Variants in SERPINI1 observed in about 807,000 individuals in gnomAD.
The protein encoded by SERPINI1 is neuroserpin.
In SERPINI1, 19 loss-of-function variants were observed where a neutral mutation model predicts 41.1. That is an observed-to-expected ratio of 0.46 (90% confidence interval 0.32 to 0.68). SERPINI1 has a LOEUF of 0.68. Ranked by LOEUF, SERPINI1 falls within the 30% of genes least tolerant of loss-of-function variation. SERPINI1 has a pLI of 0.03. For synonymous variants in SERPINI1, 138 were observed against 156.6 expected (o/e 0.88, Z 0.89); for missense variants, 460 against 479.2 (o/e 0.96, Z 0.37).
chr3:167,774,708 A>T (rs1404162077), intron 1 of SERPINI1, among the ~76,000 whole-genome samples: 1 of 152,004 alleles, frequency 6.6e-6, no homozygotes, highest in Admixed American at 6.6e-5. Context: ...TAGGTTGTGC[A>T]CTCCTCATGA....
intron 8 of SERPINI1, among the ~76,000 whole-genome samples, chr3:167,824,810 G>A (rs985155244): frequency 2.0e-5 from 3 of 152,110 alleles, no homozygotes; most frequent in Non-Finnish European, 1.5e-5. Flanking sequence ...GTTCCAGGCA[G>A]GGAGGATCAC....
At chr3:167,800,566 C>G (rs1183653426) in intron 5 of SERPINI1, among the ~76,000 whole-genome samples, 1 of 152,092 alleles carries the variant, frequency 6.6e-6, no homozygotes, top group Non-Finnish European at 1.5e-5. Flanking sequence ...TACTTTAATA[C>G]TTGGAAGCAG....
At position 167,770,560 on chromosome 3, in the gene SERPINI1, G is replaced by C. The variant is rs146238605; in HGVS notation, c.-18-18551G>C. On this transcript the variant is annotated intron_variant, in intron 1 of 8. Coordinates refer to ENST00000446050, the MANE Select transcript of SERPINI1 (RefSeq NM_001122752.2). ...TTTTTCTACATAAACTTTAAAATTAGTCTAATTTTTTTAAAGCTCTATTTT... is the reference window on the plus strand; with the variant it reads ...TTTTTCTACATAAACTTTAAAATTACTCTAATTTTTTTAAAGCTCTATTTT... Among the ~76,000 whole-genome samples, 928 of 151,946 alleles carry C rather than the reference G, an allele frequency of 6.1e-3. 4 individuals carry two copies. Among genetic ancestry groups the C allele is most frequent in the Non-Finnish European group, 0.01 (696 of 67,936 alleles).
intron 1 of SERPINI1, among the ~76,000 whole-genome samples, chr3:167,767,365 G>A (rs977516966): frequency 2.0e-5 from 3 of 152,070 alleles, no homozygotes; most frequent in East Asian, 1.9e-4. Context: ...ATTACTGCTC[G>A]TTGACAGTGT....
At chr3:167,789,477 T>TA in intron 2 of SERPINI1, 99 bp downstream of exon 2, 3 of 1,393,264 alleles carry the variant, frequency 2.2e-6, no homozygotes, top group South Asian at 1.2e-5. Context: ...TTACACAGGG[T>TA]AAAAAACAAT....
chr3:167,822,953 G>GAA, intron 6 of SERPINI1, 33 bp from the exon 7 acceptor site: 19 of 1,163,448 alleles, frequency 1.6e-5, no homozygotes, highest in Non-Finnish European at 2.2e-5. Flanking sequence ...ATCTCTGAAT[G>GAA]AAAAAAAAAA....
At chr3:167,813,901 C>T (rs145163214) in intron 6 of SERPINI1, among the ~76,000 whole-genome samples, 1 of 152,292 alleles carries the variant, frequency 6.6e-6, no homozygotes, top group Non-Finnish European at 1.5e-5. Flanking sequence ...ACTGCAGCCA[C>T]ACAGCCCCTT....
chr3:167,783,968 G>A (rs994078634), intron 1 of SERPINI1, among the ~76,000 whole-genome samples: 3 of 152,182 alleles, frequency 2.0e-5, no homozygotes, highest in African/African-American at 7.2e-5. Flanking sequence ...GGCAGAATGT[G>A]TCATCAGTGG....
intron 2 of SERPINI1, among the ~76,000 whole-genome samples, chr3:167,789,709 A>G (rs1470145436): frequency 2.0e-5 from 3 of 152,236 alleles, no homozygotes; most frequent in Admixed American, 1.3e-4. Flanking sequence ...AATTACAAAT[A>G]TGATGAGTAC....
chr3:167,818,851 A>G (rs1366715684), intron 6 of SERPINI1, among the ~76,000 whole-genome samples: 1 of 152,178 alleles, frequency 6.6e-6, no homozygotes, highest in Non-Finnish European at 1.5e-5. Context: ...CAAGCCTCAT[A>G]GCTATTGGAG....
intron 1 of SERPINI1, among the ~76,000 whole-genome samples, chr3:167,737,294 C>A (rs1484043802): frequency 2.0e-5 from 3 of 152,064 alleles, no homozygotes; most frequent in Non-Finnish European, 2.9e-5. Flanking sequence ...AGAAAAACAG[C>A]TGCTTTTTAA....
At chr3:167,759,186 A>G (rs1030293975) in intron 1 of SERPINI1, among the ~76,000 whole-genome samples, 2 of 152,090 alleles carry the variant, frequency 1.3e-5, no homozygotes, top group Non-Finnish European at 2.9e-5. Context: ...TTCCCATTTT[A>G]TAGACTTTGA....
At chr3:167,747,239 C>G (rs1725886740) in intron 1 of SERPINI1, among the ~76,000 whole-genome samples, 1 of 152,058 alleles carries the variant, frequency 6.6e-6, no homozygotes, top group South Asian at 2.1e-4. Context: ...TAGTAAGGGA[C>G]AAAGGGGAAT....
intron 1 of SERPINI1, among the ~76,000 whole-genome samples, chr3:167,767,940 G>A (rs1459167560): frequency 6.6e-6 from 1 of 152,218 alleles, no homozygotes; most frequent in Non-Finnish European, 1.5e-5. Flanking sequence ...TGAAGATGCT[G>A]TGAACATTGT....
chr3:167,795,123 T>G (rs1727671782), intron 5 of SERPINI1, among the ~76,000 whole-genome samples: 1 of 152,166 alleles, frequency 6.6e-6, no homozygotes, highest in African/African-American at 2.4e-5. Flanking sequence ...TCAGTGTTCT[T>G]GTCTTTGTTT....
chr3:167,754,719 A>G (rs1185499161), intron 1 of SERPINI1, among the ~76,000 whole-genome samples: 4 of 152,244 alleles, frequency 2.6e-5, no homozygotes, highest in African/African-American at 9.6e-5. Flanking sequence ...ATTTGGTTAT[A>G]GCAGAACTGC....
intron 1 of SERPINI1, among the ~76,000 whole-genome samples, chr3:167,769,860 A>G (rs1457199667): frequency 1.3e-5 from 2 of 151,906 alleles, no homozygotes; most frequent in African/African-American, 2.4e-5. Context: ...CTGTTTTTCT[A>G]TAGAATTTTG....
chr3:167,808,764 A>G (rs1020847527), intron 6 of SERPINI1, among the ~76,000 whole-genome samples: 2 of 152,204 alleles, frequency 1.3e-5, no homozygotes, highest in Admixed American at 1.3e-4. Flanking sequence ...TTGAAATTGC[A>G]TATAAATATG....
At chr3:167,768,980 T>TTTTG (rs58300423) in intron 1 of SERPINI1, among the ~76,000 whole-genome samples, 47,344 of 150,106 alleles carry the variant, frequency 0.32, 7,942 homozygotes, top group Non-Finnish European at 0.38. Context: ...AATTTTGTTC[T>TTTTG]TTTGTTTGTT....
Sources: allele counts gnomAD v4.1 joint callset (sites outside exome capture counted in the v4.1 genomes callset), GRCh38; gene constraint gnomAD v4.1.1; transcripts MANE v1.5; gene names NCBI Gene and HGNC (gene_info 2026-07-23, HGNC 2026-07-21).